Variants in SLC16A2 observed in about 807,000 individuals in gnomAD.
SLC16A2 encodes the protein solute carrier family 16 member 2.
SLC16A2 carries 3 observed loss-of-function variants against 27.2 expected under a neutral mutation model. The ratio of observed to expected loss-of-function variants is 0.11; its 90% CI spans 0.05 to 0.28. The LOEUF (loss-of-function observed/expected upper bound fraction) is 0.28, where lower values mean the gene tolerates loss of function less well. Among genes scored for constraint, SLC16A2 ranks in the 10% least tolerant of loss-of-function variants. SLC16A2 has a pLI of 1.00. For synonymous variants in SLC16A2, 202 were observed against 187.8 expected (o/e 1.08, Z -0.62); for missense variants, 295 against 458.5 (o/e 0.64, Z 3.26).
At chrX:74,505,756 A>G (rs996554936) in intron 1 of SLC16A2, among the ~76,000 whole-genome samples, 7 of 112,322 alleles carry the variant, frequency 6.2e-5, no homozygotes, top group Non-Finnish European at 1.1e-4. Context: ...ACTACAGTGT[A>G]GGGAGAGTTG....
chrX:74,494,091 G>A (rs1367039135), intron 1 of SLC16A2, among the ~76,000 whole-genome samples: 1 of 112,067 alleles, frequency 8.9e-6, no homozygotes, highest in Admixed American at 9.5e-5. Flanking sequence ...CTGAAATGAG[G>A]GGGTGCAGTT....
At chrX:74,528,991 C>A (rs1930525504) in intron 4 of SLC16A2, among the ~76,000 whole-genome samples, 1 of 112,147 alleles carries the variant, frequency 8.9e-6, no homozygotes, top group Non-Finnish European at 1.9e-5. Context: ...TTAATCCCAA[C>A]AGAATCACAG....
intron 2 of SLC16A2, among the ~76,000 whole-genome samples, chrX:74,522,359 G>T (rs899157328): frequency 9.0e-6 from 1 of 111,702 alleles, no homozygotes; most frequent in Non-Finnish European, 1.9e-5. Context: ...GCTTGGATTT[G>T]GCCTGCAGTC....
chrX:74,479,166 G>A (rs1279541708), intron 1 of SLC16A2, among the ~76,000 whole-genome samples: 1 of 111,511 alleles, frequency 9.0e-6, no homozygotes, highest in African/African-American at 3.3e-5. Context: ...CATATTTCTT[G>A]GAGGCTTTGT....
At chrX:74,502,993 C>A (rs999059787) in intron 1 of SLC16A2, among the ~76,000 whole-genome samples, 5 of 109,695 alleles carry the variant, frequency 4.6e-5, no homozygotes, top group African/African-American at 1.7e-4. Flanking sequence ...TAGCACTAGG[C>A]CAAAATCCTG....
At chrX:74,485,299 T>C (rs1929696638) in intron 1 of SLC16A2, among the ~76,000 whole-genome samples, 1 of 110,517 alleles carries the variant, frequency 9.0e-6, no homozygotes, top group Non-Finnish European at 1.9e-5. Context: ...TTAACTTCTA[T>C]GTGTTGAGCT....
intron 1 of SLC16A2, among the ~76,000 whole-genome samples, chrX:74,477,995 T>G (rs1348430684): frequency 1.8e-5 from 2 of 112,240 alleles, no homozygotes; most frequent in Non-Finnish European, 3.8e-5. Flanking sequence ...TGTAGATGTC[T>G]ATTAGGTCTG....
intron 1 of SLC16A2, among the ~76,000 whole-genome samples, chrX:74,503,024 T>G (rs1030515969): frequency 1.8e-5 from 2 of 109,728 alleles, no homozygotes; most frequent in Non-Finnish European, 3.8e-5. Context: ...AGTGTTGATT[T>G]CAGAGCTGAG....
chrX:74,507,335 C>G lies in SLC16A2; in HGVS notation c.431-13655C>G, dbSNP rs1289873574. 9.9e-5 allele frequency among the ~76,000 whole-genome samples: 11 copies of G among 111,250 alleles called. No individual in the cohort carries two copies. In the Admixed American group the frequency reaches 1.1e-3, roughly 11 times the overall value. ...TACAAATAGTAAACCGCATATATTT[C>G]AAGTGTATAATTTGACGCATTTTTA... On this transcript the variant is annotated intron_variant, in intron 1 of 5. Coordinates refer to ENST00000587091, the MANE Select transcript of SLC16A2 (RefSeq NM_006517.5).
At chrX:74,523,839 C>G (rs1930447918) in intron 2 of SLC16A2, among the ~76,000 whole-genome samples, 2 of 112,080 alleles carry the variant, frequency 1.8e-5, no homozygotes, top group South Asian at 7.5e-4. Flanking sequence ...CAGCCATTCT[C>G]TGAAATATTA....
chrX:74,439,520 C>CAAACT (rs1196579486), intron 1 of SLC16A2, among the ~76,000 whole-genome samples: 1 of 93,154 alleles, frequency 1.1e-5, no homozygotes, highest in African/African-American at 4.1e-5. Flanking sequence ...TCACTGGTCT[C>CAAACT]AAACTCTTAG....
At chrX:74,431,077 A>G (rs1008773587) in intron 1 of SLC16A2, among the ~76,000 whole-genome samples, 1 of 112,799 alleles carries the variant, frequency 8.9e-6, no homozygotes, top group Non-Finnish European at 1.9e-5. Context: ...TTAAAACAGA[A>G]CTACCGTTTG....
intron 1 of SLC16A2, among the ~76,000 whole-genome samples, chrX:74,429,909 A>G (rs145558932): frequency 2.7e-5 from 3 of 111,905 alleles, no homozygotes; most frequent in South Asian, 3.8e-4. Flanking sequence ...GTAGAAGAAT[A>G]GAGATGACTT....
At chrX:74,475,749 A>T (rs1398796516) in intron 1 of SLC16A2, among the ~76,000 whole-genome samples, 1 of 111,720 alleles carries the variant, frequency 9.0e-6, no homozygotes, top group Non-Finnish European at 1.9e-5. Context: ...TCCTTTCCCC[A>T]TTGCTTGTTT....
intron 1 of SLC16A2, among the ~76,000 whole-genome samples, chrX:74,486,187 G>A (rs987620563): frequency 1.8e-5 from 2 of 111,790 alleles, no homozygotes; most frequent in Non-Finnish European, 3.8e-5. Context: ...GGTGTGAACT[G>A]CGTTCCAAGC....
At chrX:74,501,730 C>T (rs1930040475) in intron 1 of SLC16A2, among the ~76,000 whole-genome samples, 1 of 111,436 alleles carries the variant, frequency 9.0e-6, no homozygotes, top group Admixed American at 9.5e-5. Context: ...CGACTCTCTT[C>T]AAAGTGTTCC....
intron 1 of SLC16A2, among the ~76,000 whole-genome samples, chrX:74,424,089 A>T: frequency 1.3e-5 from 1 of 77,933 alleles, no homozygotes; most frequent in African/African-American, 5.3e-5. Context: ...CAGTGCAGCT[A>T]GAGGGTGGGG....
At chrX:74,511,845 A>C (rs1401882732) in intron 1 of SLC16A2, among the ~76,000 whole-genome samples, 2 of 111,806 alleles carry the variant, frequency 1.8e-5, no homozygotes, top group Non-Finnish European at 1.9e-5. Flanking sequence ...GTTATGTAGC[A>C]CTTAACTCTG....
chrX:74,429,846 T>C (rs769758113), intron 1 of SLC16A2, among the ~76,000 whole-genome samples: 1 of 111,718 alleles, frequency 9.0e-6, no homozygotes, highest in Admixed American at 9.5e-5. Flanking sequence ...TCTTCCTTTG[T>C]TCATGGCCCA....
Sources: gnomAD v4.1 joint callset for allele counts (sites outside exome capture counted in the v4.1 genomes callset) on GRCh38, gnomAD v4.1.1 for gene constraint, MANE v1.5 for transcripts, NCBI Gene and HGNC (gene_info 2026-07-23, HGNC 2026-07-21) for gene names.